Variants in CCDC154 observed in about 807,000 individuals in gnomAD.
The protein encoded by CCDC154 is coiled-coil domain containing 154, also known as coiled-coil domain-containing protein 154.
CCDC154 carries 91 observed loss-of-function variants against 87.5 expected under a neutral mutation model. The ratio of observed to expected loss-of-function variants is 1.04; its 90% CI spans 0.88 to 1.24. The LOEUF (loss-of-function observed/expected upper bound fraction) is 1.24. Among genes scored for constraint, CCDC154 ranks in the 50% most tolerant of loss-of-function variants. The pLI is 0.00. For missense variants in CCDC154, 903 were observed against 879.2 expected (o/e 1.03, Z -0.34); for synonymous variants, 418 against 400.4 (o/e 1.04, Z -0.52).
At chr16:1,440,900 G>A (rs140261805) in intron 6 of CCDC154, among the ~76,000 whole-genome samples, 52 of 151,184 alleles carry the variant, frequency 3.4e-4, no homozygotes, top group African/African-American at 1.2e-3. Flanking sequence ...GTAGTGAGCC[G>A]AGATCGTGCC....
intron 4 of CCDC154, 23 bp from the exon 5 acceptor site, chr16:1,442,998 C>G: frequency 6.5e-7 from 1 of 1,549,656 alleles, no homozygotes; most frequent in Non-Finnish European, 8.7e-7. Context: ...AAGCCATTCC[C>G]GAGAGGCCCA....
chr16:1,437,692 T>G (rs2038514036), intron 11 of CCDC154, 125 bp downstream of exon 11: 1 of 1,215,824 alleles, frequency 8.2e-7, no homozygotes, highest in Admixed American at 2.9e-5. Context: ...GGACAGTCGC[T>G]GGGTGGGACG....
chr16:1,444,420 G>A lies in CCDC154; in HGVS notation c.-98C>T, dbSNP rs2038591968. 1.7e-6 allele frequency: 2 copies of A among 1,194,240 alleles called. No individual in the cohort carries two copies. The highest frequency in any genetic ancestry group is 2.2e-6 in the Non-Finnish European group (2 of 923,102). 74.0% of individuals were successfully genotyped at this position (1,194,240 alleles called of 1,614,324 possible). A position where few individuals can be genotyped will look rare whatever the true frequency, so the allele number is the denominator to read the frequency against. ...GCTGGGCACAGGCCAGGGGGGTCAG[G>A]AGCCAGAGGAAGTCCCGTGAGAGCT... On this transcript the variant is annotated 5_prime_UTR_variant, in exon 1 of 17. Coordinates refer to ENST00000389176, the MANE Select transcript of CCDC154 (RefSeq NM_001143980.3).
chr16:1,436,279 G>A (rs1012651169), intron 13 of CCDC154, among the ~76,000 whole-genome samples, 166 bp downstream of exon 13: 1 of 152,198 alleles, frequency 6.6e-6, no homozygotes, highest in Non-Finnish European at 1.5e-5. Flanking sequence ...CGCCTCAGAG[G>A]CTGCACCAGG....
At chr16:1,435,284 C>T in intron 14 of CCDC154, 109 bp from the exon 15 acceptor site, 1 of 936,124 alleles carries the variant, frequency 1.1e-6, no homozygotes, top group Non-Finnish European at 1.7e-6. Flanking sequence ...TGGGCAGGGG[C>T]CACCTGCTGA....
chr16:1,444,315 C>G lies in CCDC154; in HGVS notation c.7+1G>C. ...GGGCCCCGCTCCTCCGCTCTGGTCA[C>G]CTGACATGGCTGCTGGGCTGCACCG... is the stretch of plus-strand genomic sequence containing the variant. On this transcript the variant is annotated splice_donor_variant, in intron 1 of 16. Transcript: ENST00000389176. LOFTEE classifies it high-confidence loss of function. 10 of 1,302,448 alleles carry G rather than the reference C, an allele frequency of 7.7e-6. No individual in the cohort carries two copies. The highest frequency in any genetic ancestry group is 1.0e-5 in the Non-Finnish European group (10 of 988,884). 80.7% of individuals were successfully genotyped at this position (1,302,448 alleles called of 1,614,324 possible). A position where few individuals can be genotyped will look rare whatever the true frequency, so the allele number is the denominator to read the frequency against.
In CCDC154 at chr16:1,442,883, A is replaced by T; in HGVS notation, c.548T>A (p.Leu183His). The T allele has an allele frequency of 6.5e-7, 1 of 1,542,602 alleles. No homozygotes were observed. Among genetic ancestry groups the T allele is most frequent in the East Asian group, 2.5e-5 (1 of 40,548 alleles). Residue 183 changes from leucine to histidine, a missense_variant, in exon 5 of 17, where the codon CTC (leucine) becomes CAC (histidine). Leu to His is a moderately conservative substitution (Grantham distance 99). Transcript: ENST00000389176. ...GCCACGGGCGGTGGGCGCCCACCTG[A>T]GGCCGGCCTCTTGCTCGGCGCCCCT... ...ERRGAEQEAG[L>H]RLAKLTDLLQ... is the part of the protein sequence containing the mutation.
chr16:1,442,189 T>G (rs959136702), intron 6 of CCDC154, among the ~76,000 whole-genome samples: 6 of 152,254 alleles, frequency 3.9e-5, no homozygotes, highest in African/African-American at 7.2e-5. Flanking sequence ...GTGCTGGGAT[T>G]ACAGGCGTGA....
chr16:1,441,875 G>C (rs954013992), intron 6 of CCDC154, among the ~76,000 whole-genome samples: 1 of 152,168 alleles, frequency 6.6e-6, no homozygotes, highest in Non-Finnish European at 1.5e-5. Context: ...AAAAGTGCTG[G>C]GATTTACAGG....
At chr16:1,435,506 G>GTT (rs1485978066) in intron 14 of CCDC154, among the ~76,000 whole-genome samples, 7 of 148,098 alleles carry the variant, frequency 4.7e-5, no homozygotes, top group African/African-American at 1.6e-4. Flanking sequence ...AGGGACAGCT[G>GTT]TTTTTGTTTT....
At position 1,437,963 on chromosome 16, in the gene CCDC154, G is replaced by C. The variant is rs2038516946; in HGVS notation, c.1153-9C>G. Reference sequence around the variant, plus strand: ...CGGCTCTTCTCTCGGAGCTGCAGGGGACAGGTGGGCACGGGGAGGCCTGGC... The same window carrying C: ...CGGCTCTTCTCTCGGAGCTGCAGGGCACAGGTGGGCACGGGGAGGCCTGGC... On this transcript the variant is annotated splice_polypyrimidine_tract_variant and intron_variant, in intron 10 of 16. Transcript: ENST00000389176. The C allele has an allele frequency of 3.9e-6, 6 of 1,543,882 alleles. No homozygotes were observed. Among genetic ancestry groups the C allele is most frequent in the Non-Finnish European group, 5.2e-6 (6 of 1,143,250 alleles).
Position 1,442,919 on chromosome 16 carries a change from TC to T in CCDC154, c.511del (p.Glu171ArgfsTer18). ...TTGCTCGGCGCCCCTTCTCTCCGCC[TC>T]CTGTTGCACCTGCCTCCTCCTGAGC... ...TRLRRRQVQQ[E>X]AERRGAEQEA... On this transcript the variant is annotated frameshift_variant, in exon 5 of 17. Transcript: ENST00000389176. LOFTEE classifies it high-confidence loss of function. The T allele has an allele frequency of 6.5e-7, 1 of 1,539,342 alleles. No homozygotes were observed.
At chr16:1,435,924 G>T in intron 14 of CCDC154, 45 bp downstream of exon 14, 1 of 1,483,576 alleles carries the variant, frequency 6.7e-7, no homozygotes, top group Non-Finnish European at 9.2e-7. Context: ...TGAACCTGAT[G>T]GCTCCCCCTC....
At chr16:1,437,042 C>A in intron 11 of CCDC154, 1 of 581,106 alleles carries the variant, frequency 1.7e-6, no homozygotes, top group South Asian at 2.2e-5. Context: ...GCTGTTCCGA[C>A]CACACAGGTG....
Position 1,436,394 on chromosome 16 carries a change from A to T in CCDC154, c.1487+51T>A, listed in dbSNP as rs114304323. On this transcript the variant is annotated intron_variant, in intron 13 of 16. Coordinates refer to ENST00000389176, the MANE Select transcript of CCDC154 (RefSeq NM_001143980.3). ...AGTAGCGTGGGGACCGGCCCAGCCC[A>T]GTAACGGTCAGCAGAGCCCCTGCCC... 3.0e-3 allele frequency: 4,292 copies of T among 1,422,016 alleles called. 115 individuals carry two copies. In the African/African-American group the frequency reaches 0.054, roughly 18 times the overall value. 88.1% of individuals were successfully genotyped at this position (1,422,016 alleles called of 1,614,324 possible). A position where few individuals can be genotyped will look rare whatever the true frequency, so the allele number is the denominator to read the frequency against.
At chr16:1,440,409 C>T (rs1290580710) in intron 6 of CCDC154, among the ~76,000 whole-genome samples, 1 of 147,436 alleles carries the variant, frequency 6.8e-6, no homozygotes, top group Non-Finnish European at 1.5e-5. Flanking sequence ...GAGATCACGC[C>T]ACTGCACTCC....
chr16:1,438,311 A>G (rs2038520392), intron 9 of CCDC154, 135 bp from the exon 10 acceptor site: 1 of 1,140,466 alleles, frequency 8.8e-7, no homozygotes, highest in East Asian at 2.7e-5. Context: ...GTGCGGTCAC[A>G]GTGCCACCAA....
intron 6 of CCDC154, among the ~76,000 whole-genome samples, chr16:1,439,794 G>A (rs911980252): frequency 1.3e-5 from 2 of 152,086 alleles, no homozygotes; most frequent in Non-Finnish European, 2.9e-5. Flanking sequence ...TCAGCATGGC[G>A]GTTACAGCCC....
At chr16:1,437,432 CG>C (rs1166051021) in intron 11 of CCDC154, 1 of 211,450 alleles carries the variant, frequency 4.7e-6, no homozygotes, top group Non-Finnish European at 9.3e-6. Flanking sequence ...AATAGACACA[CG>C]GAACTGTGCA....
Sources: allele counts gnomAD v4.1 joint callset (sites outside exome capture counted in the v4.1 genomes callset), GRCh38; gene constraint gnomAD v4.1.1; transcripts MANE v1.5; gene names NCBI Gene and HGNC (gene_info 2026-07-23, HGNC 2026-07-21).